Variants in VTI1A observed in about 807,000 individuals in gnomAD.
The protein encoded by VTI1A is vesicle transport through interaction with t-SNAREs 1A.
Under a neutral mutation model 34.9 loss-of-function variants are expected in VTI1A, and 22 were observed. The observed-to-expected ratio is 0.63, with a 90% CI of 0.45 to 0.90. The LOEUF is 0.90. Ranked by LOEUF, VTI1A falls within the 40% of genes least tolerant of loss-of-function variation. The probability of loss-of-function intolerance (pLI) is 0.00; values close to 1 mark genes in which losing one functional copy is unlikely to be tolerated. For missense variants in VTI1A, 268 were observed against 275.6 expected, an observed-to-expected ratio of 0.97 and a Z score of 0.20; for synonymous variants, 87 against 97.3, an observed-to-expected ratio of 0.89 and a Z score of 0.62.
At chr10:112,740,281 A>ACTTTCTTT (rs60235413) in intron 7 of VTI1A, among the ~76,000 whole-genome samples, 74 of 151,976 alleles carry the variant, frequency 4.9e-4, no homozygotes, top group Admixed American at 1.4e-3. Flanking sequence ...CCCTGTGAAC[A>ACTTTCTTT]CTTTCTTTCT....
intron 7 of VTI1A, among the ~76,000 whole-genome samples, chr10:112,705,257 A>G (rs1224083787): frequency 1.3e-5 from 2 of 152,092 alleles, no homozygotes; most frequent in Non-Finnish European, 2.9e-5. Context: ...GGTTAGAATC[A>G]GTAGCTAACT....
At position 112,723,128 on chromosome 10, in the gene VTI1A, A is replaced by G. The variant is rs147905062; in HGVS notation, c.560+54130A>G. Among the ~76,000 whole-genome samples the G allele has an allele frequency of 5.2e-3, 796 of 152,300 alleles. 7 individuals carry two copies. The highest frequency in any genetic ancestry group is 0.018 in the African/African-American group (766 of 41,552). Reference sequence around the variant, plus strand: ...ACAAAGTAAAGGCTAAAGTTAATAAAGACCCAAAAGAAAATTAAAACTCTA... The same window carrying G: ...ACAAAGTAAAGGCTAAAGTTAATAAGGACCCAAAAGAAAATTAAAACTCTA... On this transcript the variant is annotated intron_variant, in intron 7 of 7. Transcript: ENST00000393077.
intron 2 of VTI1A, 79 bp from the exon 3 acceptor site, chr10:112,464,468 A>G (rs1564787501): frequency 3.1e-6 from 4 of 1,277,896 alleles, no homozygotes; most frequent in Non-Finnish European, 3.3e-6. Flanking sequence ...AACTGGAATT[A>G]GATCCTTTCA....
rs149966478 is a variant in VTI1A, at chr10:112,682,124, A to G, written c.560+13126A>G. ...TTAAAGCATCTGTATAAAGAAAAAA[A>G]GAACATTTTATTTATTCACTGGGGT... is the stretch of plus-strand genomic sequence containing the variant. On this transcript the variant is annotated intron_variant, in intron 7 of 7. Coordinates refer to ENST00000393077, the MANE Select transcript of VTI1A (RefSeq NM_145206.4). Among the ~76,000 whole-genome samples, 627 of 152,352 alleles carry G rather than the reference A, an allele frequency of 4.1e-3. 3 individuals are homozygous for G. The highest frequency in any genetic ancestry group is 7.5e-3 in the Non-Finnish European group (508 of 68,030).
chr10:112,652,189 C>A (rs1180393731), intron 5 of VTI1A, among the ~76,000 whole-genome samples: 1 of 152,186 alleles, frequency 6.6e-6, no homozygotes, highest in African/African-American at 2.4e-5. Flanking sequence ...TTAGCGTAGA[C>A]AAGCCCTGAG....
chr10:112,704,035 A>G (rs1301214750), intron 7 of VTI1A, among the ~76,000 whole-genome samples: 1 of 152,160 alleles, frequency 6.6e-6, no homozygotes, highest in East Asian at 1.9e-4. Flanking sequence ...TAATTATGGT[A>G]CTTTTAATTT....
chr10:112,631,195 A>C (rs890645542), intron 5 of VTI1A, among the ~76,000 whole-genome samples: 2 of 152,134 alleles, frequency 1.3e-5, no homozygotes, highest in Non-Finnish European at 2.9e-5. Flanking sequence ...GGGGAGCTCA[A>C]GCTGATAAGA....
intron 7 of VTI1A, among the ~76,000 whole-genome samples, chr10:112,713,117 A>G (rs1347418006): frequency 2.0e-5 from 3 of 151,222 alleles, no homozygotes; most frequent in African/African-American, 7.3e-5. Flanking sequence ...TGCATTCTAA[A>G]CCCCTTAGAT....
chr10:112,660,491 G>A (rs1847407662), intron 5 of VTI1A, among the ~76,000 whole-genome samples: 1 of 152,132 alleles, frequency 6.6e-6, no homozygotes, highest in African/African-American at 2.4e-5. Flanking sequence ...CAGAGAAAGG[G>A]AATGTTTTAC....
intron 7 of VTI1A, among the ~76,000 whole-genome samples, chr10:112,715,571 T>C (rs1030681284): frequency 6.6e-5 from 10 of 152,190 alleles, no homozygotes; most frequent in African/African-American, 4.8e-5. Flanking sequence ...ATAAAAATAC[T>C]GTTTTTCATA....
At chr10:112,694,245 C>T (rs1848704626) in intron 7 of VTI1A, among the ~76,000 whole-genome samples, 1 of 151,942 alleles carries the variant, frequency 6.6e-6, no homozygotes, top group South Asian at 2.1e-4. Context: ...TCTGGACTGC[C>T]CTTCCCATCT....
chr10:112,706,704 G>A (rs913099645), intron 7 of VTI1A, among the ~76,000 whole-genome samples: 7 of 152,212 alleles, frequency 4.6e-5, no homozygotes, highest in South Asian at 2.1e-4. Flanking sequence ...AACTGCTTTC[G>A]ACTTACATGC....
At chr10:112,771,882 T>TAC (rs1851823657) in intron 7 of VTI1A, among the ~76,000 whole-genome samples, 1 of 152,242 alleles carries the variant, frequency 6.6e-6, no homozygotes, top group Non-Finnish European at 1.5e-5. Context: ...TGCCAGTACT[T>TAC]TATTCCTTTT....
rs566673536 is a variant in VTI1A, at chr10:112,732,663, A to T, written c.560+63665A>T. Among the ~76,000 whole-genome samples, 23 of 152,286 alleles carry T rather than the reference A, an allele frequency of 1.5e-4. No individual in the cohort carries two copies. In the South Asian group the frequency reaches 4.8e-3, roughly 32 times the overall value. On this transcript the variant is annotated intron_variant, in intron 7 of 7. Coordinates refer to ENST00000393077, the MANE Select transcript of VTI1A (RefSeq NM_145206.4). ...CAGGGACTGTGGCTTTTGGAGATCC[A>T]TTACTGGGCCTTTCACACTGTGTGT...
At chr10:112,635,108 TGCCTTTATTCATAA>T (rs1846300702) in intron 5 of VTI1A, among the ~76,000 whole-genome samples, 27 of 152,184 alleles carry the variant, frequency 1.8e-4, no homozygotes, top group Admixed American at 1.8e-3. Flanking sequence ...GGGCTGGAGG[TGCCTTTATTCATAA>T]TATGAGCCAG....
chr10:112,527,706 C>CATA (rs57108083), intron 4 of VTI1A, among the ~76,000 whole-genome samples: 12,740 of 147,002 alleles, frequency 0.087, 1,104 homozygotes, highest in African/African-American at 0.22. Context: ...AAATAATAGT[C>CATA]ATAATAATAA....
intron 5 of VTI1A, among the ~76,000 whole-genome samples, chr10:112,547,175 G>A (rs1333326359): frequency 6.6e-6 from 1 of 152,106 alleles, no homozygotes; most frequent in Non-Finnish European, 1.5e-5. Context: ...AGCTACTTGG[G>A]AGGCTGAGGT....
downstream of VTI1A, among the ~76,000 whole-genome samples, chr10:112,821,694 G>A (rs1853658554): frequency 1.3e-5 from 2 of 152,178 alleles, no homozygotes; most frequent in African/African-American, 4.8e-5. Flanking sequence ...TCAGAAAAGA[G>A]GAGCCAAGAA....
intron 7 of VTI1A, among the ~76,000 whole-genome samples, chr10:112,710,342 G>C (rs1849369899): frequency 1.3e-5 from 2 of 151,730 alleles, no homozygotes; most frequent in South Asian, 4.2e-4. Flanking sequence ...CAAGTAGCTG[G>C]GATTACAAGC....
Sources: gnomAD v4.1 joint callset for allele counts (sites outside exome capture counted in the v4.1 genomes callset) on GRCh38, gnomAD v4.1.1 for gene constraint, MANE v1.5 for transcripts, NCBI Gene and HGNC (gene_info 2026-07-23, HGNC 2026-07-21) for gene names.